Variants in RBFOX1 observed in about 807,000 individuals in gnomAD.
RBFOX1 encodes RNA binding fox-1 homolog 1, also known as RNA binding protein fox-1 homolog 1.
RBFOX1 carries 8 observed loss-of-function variants against 57.7 expected under a neutral mutation model. That is an observed-to-expected ratio of 0.14 (90% CI 0.08 to 0.25). The LOEUF (loss-of-function observed/expected upper bound fraction) is 0.25, where lower values mean the gene tolerates loss of function less well. Among genes scored for constraint, RBFOX1 ranks in the 10% least tolerant of loss-of-function variants. The pLI is 1.00. For synonymous variants in RBFOX1, 326 were observed against 222.4 expected, an observed-to-expected ratio of 1.47 and a Z score of -4.15; for missense variants, 611 against 548.5, an observed-to-expected ratio of 1.11 and a Z score of -1.14.
At chr16:6,499,288 A>G (rs773724038) in intron 2 of RBFOX1, among the ~76,000 whole-genome samples, 84 of 152,160 alleles carry the variant, frequency 5.5e-4, no homozygotes, top group Non-Finnish European at 1.1e-3. Flanking sequence ...AAGCATAAAG[A>G]AATTGCCTTT....
intron 4 of RBFOX1, among the ~76,000 whole-genome samples, chr16:7,507,438 G>C (rs543023022): frequency 6.6e-6 from 1 of 152,062 alleles, no homozygotes; most frequent in East Asian, 1.9e-4. Context: ...TTTTTCTCCA[G>C]GATTGTGTAT....
chr16:6,312,653 TTTCCTTCCTTCCTTCC>T (rs71145211), intron 1 of RBFOX1, among the ~76,000 whole-genome samples: 4,669 of 126,512 alleles, frequency 0.037, 104 homozygotes, highest in African/African-American at 0.048. Flanking sequence ...TAGTTCCTTC[TTTCCTTCCTTCCTTCC>T]TTCCTTCCTT....
intron 3 of RBFOX1, among the ~76,000 whole-genome samples, chr16:5,813,825 T>G (rs1281958144): frequency 6.6e-6 from 1 of 152,258 alleles, no homozygotes; most frequent in Non-Finnish European, 1.5e-5. Context: ...AGTGATTTAT[T>G]CTGACTGTGA....
chr16:5,811,453 AT>A (rs56359632), intron 3 of RBFOX1, among the ~76,000 whole-genome samples: 67,656 of 142,856 alleles, frequency 0.47, 15,705 homozygotes, highest in East Asian at 0.7. Context: ...GGAACAAAGT[AT>A]TTTTTTTTTT....
At chr16:6,807,462 A>T (rs929783981) in intron 3 of RBFOX1, among the ~76,000 whole-genome samples, 1 of 152,114 alleles carries the variant, frequency 6.6e-6, no homozygotes, top group Non-Finnish European at 1.5e-5. Context: ...GGAGTAGCAC[A>T]CAGGGCTGGG....
chr16:6,926,311 A>G (rs914621136), intron 3 of RBFOX1, among the ~76,000 whole-genome samples: 3 of 152,092 alleles, frequency 2.0e-5, no homozygotes, highest in African/African-American at 4.8e-5. Context: ...CATCTCAAAG[A>G]AAAAACAAAA....
chr16:6,918,499 G>A (rs1420229332), intron 3 of RBFOX1, among the ~76,000 whole-genome samples: 1 of 152,126 alleles, frequency 6.6e-6, no homozygotes, highest in Admixed American at 6.5e-5. Flanking sequence ...TTAAATTAAT[G>A]TCTGCCTGGG....
At chr16:6,453,655 A>G (rs191469697) in intron 2 of RBFOX1, among the ~76,000 whole-genome samples, 1 of 152,298 alleles carries the variant, frequency 6.6e-6, no homozygotes, top group Non-Finnish European at 1.5e-5. Flanking sequence ...ACAATAGAAA[A>G]AGAGGGACTC....
intron 3 of RBFOX1, among the ~76,000 whole-genome samples, chr16:6,966,902 TCC>T (rs1284083607): frequency 1.4e-5 from 2 of 142,892 alleles, no homozygotes; most frequent in African/African-American, 2.5e-5. Context: ...TCTCCATCCA[TCC>T]ATCCATCCAT....
chr16:7,549,287 G>T (rs1174055846), intron 5 of RBFOX1, among the ~76,000 whole-genome samples: 1 of 152,182 alleles, frequency 6.6e-6, no homozygotes, highest in African/African-American at 2.4e-5. Flanking sequence ...GTAGGACTGT[G>T]AATAAGCAAA....
chr16:7,290,341 A>G (rs909867739), intron 4 of RBFOX1, among the ~76,000 whole-genome samples: 3 of 152,142 alleles, frequency 2.0e-5, no homozygotes, highest in African/African-American at 7.2e-5. Flanking sequence ...GTTGCCTGCT[A>G]TTGAGAAGAT....
rs2095022683 is a variant in RBFOX1 at position 6,019,206 on chromosome 16, A to C, written c.-913A>C. 1.0e-6 allele frequency: 1 copy of C among 984,446 alleles called. No homozygotes were observed. Among genetic ancestry groups the C allele is most frequent in the Non-Finnish European group, 1.2e-6 (1 of 829,758 alleles). The allele number at this position is 984,446 out of a possible 1,614,324, so 61.0% of individuals were successfully genotyped here. On this transcript the variant is annotated 5_prime_UTR_variant, in exon 1 of 16. Transcript: ENST00000550418. This position sits in a 1 kb window ranked among gnomAD's most constrained non-coding sequence, Gnocchi z 4.2. The stretch of plus-strand genomic sequence containing the variant: ...CCTCTTTATTCTCTCCCGCCCTCCT[A>C]CAAGCGCTCTTGCTGGCCGTCTGGG...
chr16:6,752,716 A>C (rs916484671), intron 3 of RBFOX1, among the ~76,000 whole-genome samples: 1 of 152,118 alleles, frequency 6.6e-6, no homozygotes, highest in Middle Eastern at 3.2e-3. Context: ...AGGTGCACCT[A>C]TCTTGATTTC....
chr16:6,819,458 C>CTTAGG (rs2090834526), intron 3 of RBFOX1, among the ~76,000 whole-genome samples: 4 of 152,038 alleles, frequency 2.6e-5, no homozygotes, highest in Admixed American at 2.6e-4. Flanking sequence ...GAGGCCAGTA[C>CTTAGG]TTAGGGAGGC....
intron 4 of RBFOX1, among the ~76,000 whole-genome samples, chr16:5,908,518 A>G (rs111265016): frequency 0.057 from 8,616 of 151,660 alleles, 320 homozygotes; most frequent in African/African-American, 0.082. Context: ...ATGCCCGGCT[A>G]TTTTTTGTAT....
At chr16:7,708,678 T>C (rs758325843) in intron 14 of RBFOX1, among the ~76,000 whole-genome samples, 2 of 152,228 alleles carry the variant, frequency 1.3e-5, no homozygotes, top group Non-Finnish European at 2.9e-5. Flanking sequence ...AGGCACTCTC[T>C]TGAGAATTAA....
chr16:5,357,044 C>G (rs973252519), intron 1 of RBFOX1, among the ~76,000 whole-genome samples: 2 of 152,154 alleles, frequency 1.3e-5, no homozygotes, highest in Non-Finnish European at 2.9e-5. Context: ...AACTACTTGC[C>G]CGTGATGACA....
chr16:6,980,320 C>T (rs935917531), intron 3 of RBFOX1, among the ~76,000 whole-genome samples: 3 of 152,190 alleles, frequency 2.0e-5, no homozygotes, highest in Middle Eastern at 3.4e-3. Context: ...TAAATATTAC[C>T]TATTCGTTTT....
intron 1 of RBFOX1, among the ~76,000 whole-genome samples, chr16:6,245,836 C>G (rs1356588325): frequency 6.6e-6 from 1 of 152,174 alleles, no homozygotes; most frequent in Non-Finnish European, 1.5e-5. Context: ...ATTCCTTGGT[C>G]ATTCCCTGCC....
Sources: gnomAD v4.1 joint callset for allele counts (sites outside exome capture counted in the v4.1 genomes callset) on GRCh38, gnomAD v4.1.1 for gene constraint, Gnocchi (gnomAD v3.1) non-coding constraint, MANE v1.5 for transcripts, NCBI Gene and HGNC (gene_info 2026-07-23, HGNC 2026-07-21) for gene names.